The following VWA8 variants were observed in gnomAD, a reference collection of about 807,000 sequenced individuals.
VWA8 encodes the protein von Willebrand factor A domain containing 8, also known as von Willebrand factor A domain-containing protein 8.
VWA8 carries 221 observed loss-of-function variants against 241.5 expected under a neutral mutation model. That is an observed-to-expected ratio of 0.91 (90% CI 0.82 to 1.02). The LOEUF (loss-of-function observed/expected upper bound fraction) is 1.02. Among genes scored for constraint, VWA8 ranks in the 50% least tolerant of loss-of-function variants. VWA8 has a pLI of 0.00. For synonymous variants in VWA8, 852 were observed against 827.1 expected, an observed-to-expected ratio of 1.03 and a Z score of -0.52; for missense variants, 2,322 against 2,328.7, an observed-to-expected ratio of 1.00 and a Z score of 0.06.
chr13:41,819,085 C>T, intron 15 of VWA8, 133 bp downstream of exon 15: 6 of 869,068 alleles, frequency 6.9e-6, no homozygotes, highest in Non-Finnish European at 8.4e-6. Context: ...ACCTTCACCA[C>T]TGTATGAAGA....
intron 1 of VWA8, among the ~76,000 whole-genome samples, chr13:41,952,075 T>G (rs904954986): frequency 1.3e-5 from 2 of 152,150 alleles, no homozygotes; most frequent in Non-Finnish European, 2.9e-5. Context: ...TCCAATTAAC[T>G]CTTTGTCTTC....
chr13:41,571,334 C>CG (rs1555303103), intron 43 of VWA8, among the ~76,000 whole-genome samples: 13 of 138,906 alleles, frequency 9.4e-5, no homozygotes, highest in African/African-American at 1.8e-4. Context: ...TCCCGTCTCC[C>CG]TCTCCCTCTC....
In VWA8 at chr13:41,603,866, T is replaced by C. The variant is rs34579077; in HGVS notation, c.4986+1302A>G. Among the ~76,000 whole-genome samples the C allele has an allele frequency of 7.4e-3, 1,124 of 152,304 alleles. 8 individuals carry two copies. Among genetic ancestry groups the C allele is most frequent in the South Asian group, 0.034 (165 of 4,824 alleles). ...ATCTTTCAAGAGTAAATTCAAACATTACATTCTCCATGAAGCCTTTCCTCA... is the reference window on the plus strand; with the variant it reads ...ATCTTTCAAGAGTAAATTCAAACATCACATTCTCCATGAAGCCTTTCCTCA... On this transcript the variant is annotated intron_variant, in intron 40 of 44. Coordinates refer to ENST00000379310, the MANE Select transcript of VWA8 (RefSeq NM_015058.2).
At chr13:41,844,176 T>C (rs1429241102) in intron 12 of VWA8, among the ~76,000 whole-genome samples, 2 of 152,154 alleles carry the variant, frequency 1.3e-5, no homozygotes, top group Admixed American at 6.5e-5. Flanking sequence ...ACAGAGTTGA[T>C]TCAACATATG....
chr13:41,950,494 G>C (rs1414254587), intron 1 of VWA8, among the ~76,000 whole-genome samples: 1 of 151,888 alleles, frequency 6.6e-6, no homozygotes, highest in Non-Finnish European at 1.5e-5. Flanking sequence ...TCAGCCTCCA[G>C]AGTAGCTGGG....
At chr13:41,870,912 A>G (rs1873570325) in intron 9 of VWA8, among the ~76,000 whole-genome samples, 1 of 152,182 alleles carries the variant, frequency 6.6e-6, no homozygotes, top group South Asian at 2.1e-4. Flanking sequence ...AAAACCTCAA[A>G]TTGCAAGGTG....
chr13:41,687,057 C>T (rs1244799315), intron 34 of VWA8, among the ~76,000 whole-genome samples: 1 of 152,110 alleles, frequency 6.6e-6, no homozygotes, highest in Non-Finnish European at 1.5e-5. Flanking sequence ...TGCCTTCTGA[C>T]TGTTAAGTTT....
intron 12 of VWA8, among the ~76,000 whole-genome samples, chr13:41,849,680 A>G (rs941991936): frequency 6.6e-6 from 1 of 152,146 alleles, no homozygotes; most frequent in Non-Finnish European, 1.5e-5. Flanking sequence ...TGAGGTCAGG[A>G]GTTCAAGACC....
Position 41,733,205 on chromosome 13 carries a change from T to C in VWA8, c.2427-1050A>G, listed in dbSNP as rs1219700016. On this transcript the variant is annotated intron_variant, in intron 21 of 44. Coordinates refer to ENST00000379310, the MANE Select transcript of VWA8 (RefSeq NM_015058.2). Reference sequence around the variant, plus strand: ...ATCTATTAAAATTGTAAAATGTGTATCTGTTTTTTAAAAAGGAATAAATAG... The same window carrying C: ...ATCTATTAAAATTGTAAAATGTGTACCTGTTTTTTAAAAAGGAATAAATAG... Among the ~76,000 whole-genome samples, 5 of 152,328 alleles carry C rather than the reference T, an allele frequency of 3.3e-5. No homozygotes were observed. In the South Asian group the frequency reaches 1.0e-3, roughly 32 times the overall value.
At chr13:41,869,249 C>G (rs1873468010) in intron 9 of VWA8, among the ~76,000 whole-genome samples, 1 of 152,092 alleles carries the variant, frequency 6.6e-6, no homozygotes, top group Admixed American at 6.6e-5. Flanking sequence ...ATGTGAATAG[C>G]TTAACTAAAA....
chr13:41,627,061 A>G (rs924522558), intron 37 of VWA8, among the ~76,000 whole-genome samples: 6 of 152,232 alleles, frequency 3.9e-5, no homozygotes, highest in African/African-American at 1.2e-4. Flanking sequence ...AGGAACTTAA[A>G]TGAATCAACA....
At chr13:41,651,452 A>G (rs2044868663) in intron 37 of VWA8, among the ~76,000 whole-genome samples, 1 of 152,138 alleles carries the variant, frequency 6.6e-6, no homozygotes, top group Non-Finnish European at 1.5e-5. Context: ...TGGCTTTTGT[A>G]TTCCAAACCA....
chr13:41,960,623 C>A (rs2138178933), intron 1 of VWA8, among the ~76,000 whole-genome samples: 1 of 152,350 alleles, frequency 6.6e-6, no homozygotes, highest in East Asian at 1.9e-4. Context: ...AAACCTTAGT[C>A]CAGACCCCTC....
intron 37 of VWA8, among the ~76,000 whole-genome samples, chr13:41,620,160 C>T (rs1476328944): frequency 6.6e-6 from 1 of 152,056 alleles, no homozygotes; most frequent in African/African-American, 2.4e-5. Context: ...TGTTATTGGT[C>T]TATTCAGGGA....
At chr13:41,609,072 T>C (rs2044570518) in intron 39 of VWA8, among the ~76,000 whole-genome samples, 1 of 152,158 alleles carries the variant, frequency 6.6e-6, no homozygotes, top group African/African-American at 2.4e-5. Context: ...ATTCCACAAA[T>C]ACATATGAAG....
At chr13:41,656,557 G>A (rs558900555) in intron 37 of VWA8, among the ~76,000 whole-genome samples, 1 of 152,296 alleles carries the variant, frequency 6.6e-6, no homozygotes, top group South Asian at 2.1e-4. Flanking sequence ...GACTGGACTA[G>A]AGAGTATTTA....
intron 37 of VWA8, among the ~76,000 whole-genome samples, chr13:41,625,206 G>T (rs1361884205): frequency 6.6e-6 from 1 of 151,998 alleles, no homozygotes; most frequent in Non-Finnish European, 1.5e-5. Flanking sequence ...TAAAGTAATG[G>T]CAACAAAAGC....
chr13:41,576,734 G>A (rs1035985857), intron 42 of VWA8, among the ~76,000 whole-genome samples: 3 of 152,160 alleles, frequency 2.0e-5, no homozygotes, highest in Non-Finnish European at 4.4e-5. Flanking sequence ...AACATGTTCT[G>A]TCCTCCCACT....
intron 17 of VWA8, among the ~76,000 whole-genome samples, chr13:41,808,907 A>G (rs1189010330): frequency 6.6e-6 from 1 of 152,204 alleles, no homozygotes; most frequent in East Asian, 1.9e-4. Flanking sequence ...CAAATTCATT[A>G]AAGTTGCAGG....
Sources: allele counts gnomAD v4.1 joint callset (sites outside exome capture counted in the v4.1 genomes callset), GRCh38; gene constraint gnomAD v4.1.1; transcripts MANE v1.5; gene names NCBI Gene and HGNC (gene_info 2026-07-23, HGNC 2026-07-21).